Variants in PCDHAC1 observed in about 807,000 individuals in gnomAD.
PCDHAC1 encodes the protein protocadherin alpha-C1.
PCDHAC1 carries 42 observed loss-of-function variants against 60.0 expected under a neutral mutation model. The observed-to-expected ratio is 0.70, with a 90% CI of 0.55 to 0.90. The LOEUF is 0.90. Among genes scored for constraint, PCDHAC1 ranks in the 40% least tolerant of loss-of-function variants. PCDHAC1 has a pLI of 0.00. For synonymous variants in PCDHAC1, 468 were observed against 499.3 expected (o/e 0.94, Z 0.84); for missense variants, 1,160 against 1,222.3 (o/e 0.95, Z 0.76).
At chr5:140,958,375 T>A (rs1554223446) in intron 1 of PCDHAC1, among the ~76,000 whole-genome samples, 1 of 152,162 alleles carries the variant, frequency 6.6e-6, no homozygotes, top group Non-Finnish European at 1.5e-5. Flanking sequence ...AATGTTGCTA[T>A]TTTCTTAACA....
At chr5:141,002,485 C>T (rs1287282223) in intron 3 of PCDHAC1, among the ~76,000 whole-genome samples, 2 of 152,154 alleles carry the variant, frequency 1.3e-5, no homozygotes, top group Non-Finnish European at 2.9e-5. Flanking sequence ...AAAGGATGAC[C>T]TTGTTATACA....
chr5:140,958,484 G>T (rs246009), intron 1 of PCDHAC1, among the ~76,000 whole-genome samples: 1 of 151,754 alleles, frequency 6.6e-6, no homozygotes, highest in Non-Finnish European at 1.5e-5. Flanking sequence ...AGAGCACTAA[G>T]TCCACATATC....
intron 3 of PCDHAC1, among the ~76,000 whole-genome samples, chr5:141,007,967 G>A (rs1191510244): frequency 6.6e-6 from 1 of 152,176 alleles, no homozygotes; most frequent in Admixed American, 6.5e-5. Flanking sequence ...TTCTCTGGGT[G>A]TCTGTCATGT....
chr5:140,996,453 C>A (rs1289648745), intron 3 of PCDHAC1, among the ~76,000 whole-genome samples: 2 of 152,160 alleles, frequency 1.3e-5, no homozygotes, highest in African/African-American at 4.8e-5. Flanking sequence ...AGTTGTGGTG[C>A]TAAGGGAGGA....
rs537220203 is a variant in PCDHAC1, at chr5:140,928,137, C to T, written c.1245C>T (p.Ile415=). The T allele has an allele frequency of 8.7e-6, 14 of 1,614,066 alleles. No individual in the cohort carries two copies. Among genetic ancestry groups the T allele is most frequent in the Admixed American group, 1.7e-5 (1 of 59,998 alleles). ...AGATCAGTGAATACCAAGTCCTGAT[C>T]ACGGCCTCAGATAGTGGCTCACCCC... ...REQISEYQVL[I]TASDSGSPPL... Residue 415 remains isoleucine (I), a synonymous_variant, in exon 1 of 4, where the codon ATC becomes ATT. Coordinates refer to ENST00000253807, the MANE Select transcript of PCDHAC1 (RefSeq NM_018898.5).
chr5:141,007,478 G>A (rs1041976706), intron 3 of PCDHAC1, among the ~76,000 whole-genome samples: 5 of 151,620 alleles, frequency 3.3e-5, no homozygotes, highest in Admixed American at 6.6e-5. Context: ...TGAGGCACGA[G>A]AATTACTTGG....
In PCDHAC1 at chr5:140,927,568, A is replaced by G; in HGVS notation, c.676A>G (p.Thr226Ala). 1.9e-6 allele frequency: 3 copies of G among 1,614,174 alleles called. No homozygotes were observed. The highest frequency in any genetic ancestry group is 2.5e-6 in the Non-Finnish European group (3 of 1,180,022). ...ACAAGTCACCATCATTGTGGTGGAC[A>G]CAAATGACAACGCGCCTGTATTTGA... The part of the protein sequence containing the change: ...DAQVTIIVVD[T>A]NDNAPVFERS... The change falls in exon 1 of 4, where the codon ACA becomes GCA. Residue 226 changes from threonine to alanine, a missense_variant. Around this residue, in one of 3 missense-constraint regions of PCDHAC1, gnomAD observed 1,113 missense variants for 1,163.7 expected, o/e 0.96. Transcript: ENST00000253807.
chr5:140,932,920 A>G (rs1397195310), intron 1 of PCDHAC1, among the ~76,000 whole-genome samples: 3 of 152,034 alleles, frequency 2.0e-5, no homozygotes, highest in Non-Finnish European at 4.4e-5. Flanking sequence ...CAACAACTAA[A>G]TTAACTTAGC....
intron 1 of PCDHAC1, among the ~76,000 whole-genome samples, chr5:140,957,377 G>A (rs1001680224): frequency 3.3e-5 from 5 of 152,074 alleles, no homozygotes; most frequent in Admixed American, 2.0e-4. Context: ...TTATTATAGT[G>A]TATTGTTATA....
intron 3 of PCDHAC1, 116 bp from the exon 4 acceptor site, chr5:141,009,511 G>A (rs2098410295): frequency 2.7e-5 from 41 of 1,498,054 alleles, no homozygotes; most frequent in Admixed American, 9.3e-5. Context: ...CAAACAACTC[G>A]TGATTTTTCT....
At chr5:140,993,321 G>A (rs1021026330) in intron 3 of PCDHAC1, among the ~76,000 whole-genome samples, 58 of 152,134 alleles carry the variant, frequency 3.8e-4, no homozygotes, top group African/African-American at 5.3e-4. Context: ...TACCTTCTAA[G>A]TGTTTGTGAT....
In PCDHAC1 at chr5:141,010,257, G is replaced by T; in HGVS notation, c.*320G>T. On this transcript the variant is annotated 3_prime_UTR_variant, in exon 4 of 4. Coordinates refer to ENST00000253807, the MANE Select transcript of PCDHAC1 (RefSeq NM_018898.5). ...AGTGAGAGGTTGGACTCTCTGCCCT[G>T]TGCTCCGGGGATCCTGTCTTGATGA... 6.4e-7 allele frequency: 1 copy of T among 1,551,794 alleles called. No homozygotes were observed. The highest frequency in any genetic ancestry group is 8.7e-7 in the Non-Finnish European group (1 of 1,147,016).
intron 1 of PCDHAC1, 47 bp downstream of exon 1, chr5:140,929,372 G>A: frequency 1.3e-6 from 2 of 1,514,740 alleles, no homozygotes; most frequent in Non-Finnish European, 1.8e-6. Context: ...GGAGATGGCT[G>A]CTAGCTGTGT....
At chr5:140,953,413 C>T (rs965115726) in intron 1 of PCDHAC1, among the ~76,000 whole-genome samples, 1 of 152,120 alleles carries the variant, frequency 6.6e-6, no homozygotes, top group Non-Finnish European at 1.5e-5. Context: ...GCTCCTGGCT[C>T]CTCCCCTTTG....
intron 3 of PCDHAC1, among the ~76,000 whole-genome samples, chr5:141,007,451 C>A (rs2098330384): frequency 6.6e-6 from 1 of 151,640 alleles, no homozygotes; most frequent in Non-Finnish European, 1.5e-5. Context: ...GCCTGTAGTC[C>A]CAGCTACTCA....
intron 1 of PCDHAC1, among the ~76,000 whole-genome samples, chr5:140,944,623 T>G (rs535315515): frequency 2.0e-5 from 3 of 152,202 alleles, no homozygotes; most frequent in Non-Finnish European, 4.4e-5. Flanking sequence ...AGAAGTATAG[T>G]GTTGTAAGCC....
At chr5:141,008,626 A>G (rs375674921) in intron 3 of PCDHAC1, among the ~76,000 whole-genome samples, 1 of 152,222 alleles carries the variant, frequency 6.6e-6, no homozygotes. Context: ...TTTCTCAAGT[A>G]TAATTAACAA....
rs150829264 is a variant in PCDHAC1 at position 140,948,791 on chromosome 5, A to G, written c.2433+19466A>G. 2.3e-3 allele frequency among the ~76,000 whole-genome samples: 342 copies of G among 151,342 alleles called. 1 individual carries two copies. Among genetic ancestry groups the G allele is most frequent in the Non-Finnish European group, 4.4e-3 (295 of 67,454 alleles). ...ATAGCCAGCTTTTGGCTTTGTTGAT[A>G]TATTTTCTATTGTTTGGTTTCTATT... On this transcript the variant is annotated intron_variant, in intron 1 of 3. Coordinates refer to ENST00000253807, the MANE Select transcript of PCDHAC1 (RefSeq NM_018898.5).
At chr5:140,990,492 A>G (rs533006418) in intron 3 of PCDHAC1, among the ~76,000 whole-genome samples, 1 of 152,308 alleles carries the variant, frequency 6.6e-6, no homozygotes, top group South Asian at 2.1e-4. Flanking sequence ...TAGTGAGGTG[A>G]CATTCCCCAA....
Sources: allele counts gnomAD v4.1 joint callset (sites outside exome capture counted in the v4.1 genomes callset), GRCh38; gene constraint gnomAD v4.1.1; regional missense constraint gnomAD v4.1.1; transcripts MANE v1.5; gene names NCBI Gene and HGNC (gene_info 2026-07-23, HGNC 2026-07-21).